The following SSBP2 variants were observed in gnomAD, a reference collection of about 807,000 sequenced individuals.
SSBP2 encodes single stranded DNA binding protein 2.
A neutral mutation model predicts 61.8 loss-of-function variants in SSBP2; 17 were observed. That is an observed-to-expected ratio of 0.28 (90% confidence interval 0.19 to 0.41). The LOEUF is 0.41. SSBP2 is among the 10% of genes least tolerant of loss of function. The pLI, the probability that SSBP2 is intolerant of heterozygous loss-of-function variation, is 1.00. For missense variants in SSBP2, 310 were observed against 458.7 expected, an observed-to-expected ratio of 0.68 and a Z score of 2.96; for synonymous variants, 139 against 141.3, an observed-to-expected ratio of 0.98 and a Z score of 0.12.
chr5:81,653,414 G>A (rs1208337046), intron 1 of SSBP2, among the ~76,000 whole-genome samples: 1 of 152,154 alleles, frequency 6.6e-6, no homozygotes, highest in Non-Finnish European at 1.5e-5. Flanking sequence ...ACATATGTGT[G>A]CATGTGTCTT....
At chr5:81,613,266 ATTTT>A (rs10707328) in intron 4 of SSBP2, among the ~76,000 whole-genome samples, 1 of 151,816 alleles carries the variant, frequency 6.6e-6, no homozygotes, top group Non-Finnish European at 1.5e-5. Flanking sequence ...TCAAATACTG[ATTTT>A]TTTTCTAAAC....
intron 4 of SSBP2, among the ~76,000 whole-genome samples, chr5:81,524,752 G>A (rs146903245): frequency 7.5e-4 from 114 of 152,114 alleles, no homozygotes; most frequent in African/African-American, 2.7e-3. Flanking sequence ...TGTGCCTTGT[G>A]TGAATAGTTT....
rs865824861 is a variant in SSBP2 at position 81,722,591 on chromosome 5, G to T, written c.62+28390C>A. ...AGCCAATGAAGATCCTAAGATTATTGCAACAGAGAAACAACTTTAGTCCCT... is the reference window on the plus strand; with the variant it reads ...AGCCAATGAAGATCCTAAGATTATTTCAACAGAGAAACAACTTTAGTCCCT... On this transcript the variant is annotated intron_variant, in intron 1 of 16. Coordinates refer to ENST00000320672, the MANE Select transcript of SSBP2 (RefSeq NM_012446.5). Among the ~76,000 whole-genome samples the T allele has an allele frequency of 3.2e-4, 49 of 151,954 alleles. 1 individual carries two copies. The highest frequency in any genetic ancestry group is 1.2e-3 in the South Asian group (6 of 4,826).
At chr5:81,535,270 A>C (rs1173275375) in intron 4 of SSBP2, among the ~76,000 whole-genome samples, 1 of 152,152 alleles carries the variant, frequency 6.6e-6, no homozygotes, top group Non-Finnish European at 1.5e-5. Flanking sequence ...GATGTGAAAG[A>C]AATCAAAGAA....
chr5:81,720,137 T>C (rs897021036), intron 1 of SSBP2, among the ~76,000 whole-genome samples: 1 of 152,178 alleles, frequency 6.6e-6, no homozygotes, highest in Admixed American at 6.6e-5. Context: ...GCTCAGATTG[T>C]ACTTCTGGGC....
At chr5:81,653,087 TC>T (rs1749888130) in intron 1 of SSBP2, among the ~76,000 whole-genome samples, 1 of 152,054 alleles carries the variant, frequency 6.6e-6, no homozygotes, top group African/African-American at 2.4e-5. Flanking sequence ...CCTAATGCTA[TC>T]CCTCCCTTAC....
At chr5:81,622,119 T>TA (rs1746639432) in intron 3 of SSBP2, among the ~76,000 whole-genome samples, 1 of 136,620 alleles carries the variant, frequency 7.3e-6, no homozygotes, top group African/African-American at 2.7e-5. Flanking sequence ...AAAAAAAAAA[T>TA]TAAAAAAAAA....
rs1475907925 is a variant in SSBP2 at position 81,428,693 on chromosome 5, A to G, written c.958-10T>C. 1 of 1,605,156 alleles carries G rather than the reference A, an allele frequency of 6.2e-7. No individual in the cohort carries two copies. The highest frequency in any genetic ancestry group is 8.5e-7 in the Non-Finnish European group (1 of 1,172,768). On this transcript the variant is annotated splice_polypyrimidine_tract_variant and intron_variant, in intron 15 of 16. Coordinates refer to ENST00000320672, the MANE Select transcript of SSBP2 (RefSeq NM_012446.5). ...TATTATTGGGAGAATTCTGTAAACAAGATTTAGAAAACAAGGCATTGTTGA... is the reference window on the plus strand; with the variant it reads ...TATTATTGGGAGAATTCTGTAAACAGGATTTAGAAAACAAGGCATTGTTGA...
chr5:81,544,619 G>C (rs1771585828), intron 4 of SSBP2, among the ~76,000 whole-genome samples: 1 of 152,052 alleles, frequency 6.6e-6, no homozygotes, highest in Non-Finnish European at 1.5e-5. Context: ...TTTTTGCAGG[G>C]GGAGAACAAA....
chr5:81,477,105 CT>C (rs1765645961), intron 6 of SSBP2, among the ~76,000 whole-genome samples: 1 of 151,928 alleles, frequency 6.6e-6, no homozygotes, highest in South Asian at 2.1e-4. Context: ...CCTCATACTT[CT>C]TCTGACCTAG....
intron 4 of SSBP2, among the ~76,000 whole-genome samples, chr5:81,531,026 T>C (rs1338843826): frequency 6.6e-6 from 1 of 151,830 alleles, no homozygotes; most frequent in African/African-American, 2.4e-5. Context: ...CTTGGAAACA[T>C]AGTAAGACCC....
chr5:81,501,268 T>TACAC (rs34805388), intron 5 of SSBP2, among the ~76,000 whole-genome samples: 888 of 35,658 alleles, frequency 0.025, 65 homozygotes, highest in African/African-American at 0.036. Flanking sequence ...TATATATATA[T>TACAC]ACACACACAC....
At chr5:81,610,227 G>C (rs995255191) in intron 4 of SSBP2, among the ~76,000 whole-genome samples, 1 of 152,160 alleles carries the variant, frequency 6.6e-6, no homozygotes, top group Admixed American at 6.5e-5. Context: ...TCACCAGCCA[G>C]AGGTCCCCAG....
intron 1 of SSBP2, among the ~76,000 whole-genome samples, chr5:81,667,286 T>TACACACACACACAC (rs71605804): frequency 3.0e-4 from 40 of 133,818 alleles, no homozygotes; most frequent in African/African-American, 1.0e-3. Context: ...GGGATACAGA[T>TACACACACACACAC]ACACACACAC....
chr5:81,632,537 T>C (rs1747822517), intron 3 of SSBP2, among the ~76,000 whole-genome samples: 1 of 152,186 alleles, frequency 6.6e-6, no homozygotes, highest in South Asian at 2.1e-4. Flanking sequence ...ATGAACTTCT[T>C]GACATCAAAC....
chr5:81,451,759 T>A (rs961965122), intron 10 of SSBP2, among the ~76,000 whole-genome samples: 1 of 152,272 alleles, frequency 6.6e-6, no homozygotes, highest in Admixed American at 6.5e-5. Context: ...TCCTTCTTCA[T>A]GATTCCTTCA....
intron 3 of SSBP2, among the ~76,000 whole-genome samples, chr5:81,622,360 T>G (rs1746677219): frequency 6.6e-6 from 1 of 152,038 alleles, no homozygotes; most frequent in Admixed American, 6.5e-5. Flanking sequence ...ATAGAGTTAT[T>G]TTTTTATTCC....
At chr5:81,611,783 A>G (rs1387071098) in intron 4 of SSBP2, among the ~76,000 whole-genome samples, 2 of 152,126 alleles carry the variant, frequency 1.3e-5, no homozygotes, top group African/African-American at 4.8e-5. Flanking sequence ...AATAAAATGA[A>G]CTTTAAATAA....
chr5:81,496,758 A>T (rs1767317805), intron 5 of SSBP2, among the ~76,000 whole-genome samples: 1 of 152,216 alleles, frequency 6.6e-6, no homozygotes. Flanking sequence ...AAAACCGAAG[A>T]CCAAATTTCT....
Sources: gnomAD v4.1 joint callset for allele counts (sites outside exome capture counted in the v4.1 genomes callset) on GRCh38, gnomAD v4.1.1 for gene constraint, MANE v1.5 for transcripts, NCBI Gene and HGNC (gene_info 2026-07-23, HGNC 2026-07-21) for gene names.